TIAM1: variants seen among roughly 807,000 people sequenced by gnomAD.
The protein encoded by TIAM1 is rho guanine nucleotide exchange factor TIAM1.
Under a neutral mutation model 163.5 loss-of-function variants are expected in TIAM1, and 65 were observed. The ratio of observed to expected loss-of-function variants is 0.40; its 90% CI spans 0.33 to 0.49. The LOEUF is 0.49. TIAM1 is among the 20% of genes least tolerant of loss of function. The probability of loss-of-function intolerance (pLI) is 0.77; values close to 1 mark genes in which losing one functional copy is unlikely to be tolerated. For missense variants in TIAM1, 1,789 were observed against 2,044.7 expected, an observed-to-expected ratio of 0.87 and a Z score of 2.41; for synonymous variants, 833 against 810.1, an observed-to-expected ratio of 1.03 and a Z score of -0.48.
chr21:31,155,170 T>C (rs1272772538), intron 16 of TIAM1, among the ~76,000 whole-genome samples: 2 of 152,234 alleles, frequency 1.3e-5, no homozygotes, highest in African/African-American at 4.8e-5. Context: ...ACACGTTTTG[T>C]CATCCATTTG....
chr21:31,169,258 C>T (rs1211298162), intron 15 of TIAM1, among the ~76,000 whole-genome samples: 2 of 152,176 alleles, frequency 1.3e-5, no homozygotes, highest in African/African-American at 4.8e-5. Flanking sequence ...CGCACCACTG[C>T]ACTTCAGCCT....
At chr21:31,420,341 C>A (rs1326427814) in intron 2 of TIAM1, among the ~76,000 whole-genome samples, 1 of 152,198 alleles carries the variant, frequency 6.6e-6, no homozygotes, top group Non-Finnish European at 1.5e-5. Context: ...CCAGAGCCTT[C>A]TCCTCTTCTG....
chr21:31,247,606 G>A (rs2071576275), intron 5 of TIAM1, among the ~76,000 whole-genome samples: 1 of 152,000 alleles, frequency 6.6e-6, no homozygotes, highest in South Asian at 2.1e-4. Context: ...ATGTTACCCA[G>A]GTTGGTCTCA....
chr21:31,334,474 C>G (rs1334447709), intron 2 of TIAM1, among the ~76,000 whole-genome samples: 1 of 152,122 alleles, frequency 6.6e-6, no homozygotes, highest in Non-Finnish European at 1.5e-5. Flanking sequence ...TGCTTCAGTC[C>G]TCATTACACA....
At chr21:31,432,988 T>C (rs1243108439) in intron 2 of TIAM1, among the ~76,000 whole-genome samples, 1 of 152,192 alleles carries the variant, frequency 6.6e-6, no homozygotes, top group Non-Finnish European at 1.5e-5. Flanking sequence ...AAATGCCAAA[T>C]GAAACTGCAA....
rs1022826536 is a variant in TIAM1, at chr21:31,265,895, C to T, written c.963+115G>A. On this transcript the variant is annotated intron_variant, in intron 4 of 27. Coordinates refer to ENST00000541036, the MANE Select transcript of TIAM1 (RefSeq NM_001353694.2). ...AAACAGCACCAGCTGCAGCAACTAC[C>T]AGGCAAACAGGGTAAAACCCGATTA... 6.4e-6 allele frequency: 9 copies of T among 1,411,586 alleles called. No homozygotes were observed. In the Admixed American group the frequency reaches 6.9e-5, roughly 11 times the overall value. 87.4% of individuals were successfully genotyped at this position (1,411,586 alleles called of 1,614,324 possible).
chr21:31,385,506 T>C (rs1177475810), intron 2 of TIAM1, among the ~76,000 whole-genome samples: 1 of 151,932 alleles, frequency 6.6e-6, no homozygotes, highest in East Asian at 1.9e-4. Flanking sequence ...CCAGTGTCTG[T>C]AGGGACGGTT....
chr21:31,410,213 TGA>T (rs2077324783), intron 2 of TIAM1, among the ~76,000 whole-genome samples: 1 of 152,026 alleles, frequency 6.6e-6, no homozygotes, highest in Non-Finnish European at 1.5e-5. Flanking sequence ...TGAGTGTGTG[TGA>T]GACTGCATTA....
intron 15 of TIAM1, among the ~76,000 whole-genome samples, chr21:31,171,054 A>C (rs1264193824): frequency 2.0e-5 from 3 of 150,956 alleles, no homozygotes; most frequent in Non-Finnish European, 3.0e-5. Flanking sequence ...AAAAAAAAAA[A>C]AAAAAAAATT....
At chr21:31,364,714 T>G (rs525896) in intron 2 of TIAM1, among the ~76,000 whole-genome samples, 1 of 152,032 alleles carries the variant, frequency 6.6e-6, no homozygotes, top group African/African-American at 2.4e-5. Context: ...CATGGATTGA[T>G]TGATGGATGG....
In TIAM1 at chr21:31,124,551, T is replaced by A. The variant is rs745344303; in HGVS notation, c.4277A>T (p.Lys1426Met). Residue 1426 changes from lysine (K) to methionine (M), a missense_variant, in exon 27 of 28, where the codon AAG becomes ATG. Around this residue, in one of 5 missense-constraint regions of TIAM1, gnomAD observed 415 missense variants for 439.2 expected, o/e 0.94. Coordinates refer to ENST00000541036, the MANE Select transcript of TIAM1 (RefSeq NM_001353694.2). The stretch of plus-strand genomic sequence containing the variant: ...CCTGCTCATGGCCGGCCTGGCCCCC[T>A]TCAGTGCACACAATCTTTTGCCTCC... The part of the protein sequence containing the change: ...PFGGKRLCAL[K>M]GARPAMSRAV... The A allele has an allele frequency of 6.2e-7, 1 of 1,613,584 alleles. No homozygotes were observed. The highest frequency in any genetic ancestry group is 8.5e-7 in the Non-Finnish European group (1 of 1,179,968).
At chr21:31,314,831 AAGGATGCTTAGCACACGATCCCTGG>A (rs1208386226) in intron 2 of TIAM1, among the ~76,000 whole-genome samples, 1 of 152,168 alleles carries the variant, frequency 6.6e-6, no homozygotes, top group Non-Finnish European at 1.5e-5. Flanking sequence ...GACCCAGGAC[AAGGATGCTTAGCACACGATCCCTGG>A]AGGACTTTCA....
chr21:31,284,914 C>T (rs563138761), intron 2 of TIAM1, among the ~76,000 whole-genome samples: 2 of 152,138 alleles, frequency 1.3e-5, no homozygotes, highest in African/African-American at 4.8e-5. Context: ...AAAAAGGCAC[C>T]GCAAGGGACT....
intron 2 of TIAM1, among the ~76,000 whole-genome samples, chr21:31,438,810 A>G (rs563810273): frequency 6.6e-6 from 1 of 152,292 alleles, no homozygotes; most frequent in African/African-American, 2.4e-5. Context: ...GTTTGGCAGC[A>G]TCCCTGGCCT....
chr21:31,125,179 G>A (rs2082147014), intron 26 of TIAM1, among the ~76,000 whole-genome samples: 1 of 148,788 alleles, frequency 6.7e-6, no homozygotes, highest in Non-Finnish European at 1.5e-5. Context: ...TATTAAGGCT[G>A]TAAAGAACTA....
chr21:31,130,909 G>T lies in TIAM1; in HGVS notation c.3923C>A (p.Ser1308Tyr). 6.2e-7 allele frequency: 1 copy of T among 1,613,968 alleles called. No homozygotes were observed. Among genetic ancestry groups the T allele is most frequent in the Non-Finnish European group, 8.5e-7 (1 of 1,179,936 alleles). The change falls in exon 24 of 28, where the codon TCC (serine) becomes TAC (tyrosine). Residue 1308 changes from serine (S) to tyrosine (Y), a missense_variant. Ser to Tyr is a moderately radical substitution (Grantham distance 144, BLOSUM62 -2). Transcript: ENST00000541036. Reference sequence around the variant, plus strand: ...TCTTACAAGTTTCTTCTTCTGTTTGGAACCATCTTTATACACAAGGACCAC... The same window carrying T: ...TCTTACAAGTTTCTTCTTCTGTTTGTAACCATCTTTATACACAAGGACCAC... Reference protein sequence around the residue: ...TAVVLVYKDGSKQKKKLVGSH... With the variant: ...TAVVLVYKDGYKQKKKLVGSH...
chr21:31,152,696 T>C lies in TIAM1; in HGVS notation c.3306A>G (p.Leu1102=), dbSNP rs149905743. ...VEFQVEFLKT[L]EDGVRLVPDL... ...CAGGTACCAGTCTCACTCCATCTTCTAGAGTTTTAAGGAATTCTACTTGAA... is the reference window on the plus strand; with the variant it reads ...CAGGTACCAGTCTCACTCCATCTTCCAGAGTTTTAAGGAATTCTACTTGAA... Residue 1102 remains leucine, a synonymous_variant, in exon 19 of 28, where the codon CTA becomes CTG. Transcript: ENST00000541036. 4 of 1,614,112 alleles carry C rather than the reference T, an allele frequency of 2.5e-6. No homozygotes were observed. In the African/African-American group the frequency reaches 5.3e-5, roughly 22 times the overall value.
intron 6 of TIAM1, among the ~76,000 whole-genome samples, chr21:31,244,530 G>A (rs1209975901): frequency 6.6e-6 from 1 of 152,206 alleles, no homozygotes; most frequent in Non-Finnish European, 1.5e-5. Flanking sequence ...TTCGAGACCA[G>A]CCTGACCAAT....
chr21:31,471,528 GGA>G (rs912215406), intron 1 of TIAM1, among the ~76,000 whole-genome samples: 1 of 152,156 alleles, frequency 6.6e-6, no homozygotes, highest in Non-Finnish European at 1.5e-5. Context: ...AGGTGACAAG[GGA>G]GGTTGATGGA....
Sources: gnomAD v4.1 joint callset for allele counts (sites outside exome capture counted in the v4.1 genomes callset) on GRCh38, gnomAD v4.1.1 for gene constraint, gnomAD v4.1.1 regional missense constraint, MANE v1.5 for transcripts, NCBI Gene and HGNC (gene_info 2026-07-23, HGNC 2026-07-21) for gene names.